The following ERICH6B variants were observed in gnomAD, a reference collection of about 807,000 sequenced individuals.
The protein encoded by ERICH6B is glutamate rich 6B.
ERICH6B carries 69 observed loss-of-function variants against 80.0 expected under a neutral mutation model. The observed-to-expected ratio is 0.86, with a 90% CI of 0.71 to 1.05. ERICH6B has a LOEUF of 1.05. Among genes scored for constraint, ERICH6B ranks in the 50% least tolerant of loss-of-function variants. The pLI, the probability that ERICH6B is intolerant of heterozygous loss-of-function variation, is 0.00. For missense variants in ERICH6B, 754 were observed against 796.1 expected (o/e 0.95, Z 0.64); for synonymous variants, 283 against 291.9 (o/e 0.97, Z 0.31).
intron 5 of ERICH6B, among the ~76,000 whole-genome samples, chr13:45,586,426 T>C (rs1875904557): frequency 6.6e-6 from 1 of 152,126 alleles, no homozygotes; most frequent in African/African-American, 2.4e-5. Context: ...CGGCAAGAAA[T>C]GCTATTCGGT....
chr13:45,575,381 T>C (rs969927064), intron 7 of ERICH6B, among the ~76,000 whole-genome samples: 1 of 152,070 alleles, frequency 6.6e-6, no homozygotes, highest in Admixed American at 6.5e-5. Context: ...ATGCTCACAG[T>C]AGAGCAGACA....
intron 4 of ERICH6B, among the ~76,000 whole-genome samples, chr13:45,589,613 G>A (rs1876074898): frequency 6.6e-6 from 1 of 152,200 alleles, no homozygotes. Context: ...TGGCTGCCCT[G>A]TAGCACACAG....
intron 9 of ERICH6B, 119 bp from the exon 10 acceptor site, chr13:45,563,907 C>A: frequency 9.9e-6 from 8 of 807,108 alleles, no homozygotes; most frequent in South Asian, 8.7e-5. Context: ...GAAATGGGGC[C>A]AATGGCTTTG....
intron 14 of ERICH6B, among the ~76,000 whole-genome samples, chr13:45,542,963 T>C (rs1393209929): frequency 6.6e-6 from 1 of 152,224 alleles, no homozygotes; most frequent in Non-Finnish European, 1.5e-5. Flanking sequence ...TCTTCTCAGA[T>C]ACTCTGCACA....
intron 1 of ERICH6B, among the ~76,000 whole-genome samples, 152 bp downstream of exon 1, chr13:45,615,533 T>C: frequency 6.6e-6 from 1 of 152,248 alleles, no homozygotes; most frequent in Non-Finnish European, 1.5e-5. Flanking sequence ...GAAGTCTATG[T>C]ACTTGGCGCT....
At chr13:45,585,037 C>G (rs952034739) in intron 5 of ERICH6B, among the ~76,000 whole-genome samples, 2 of 152,158 alleles carry the variant, frequency 1.3e-5, no homozygotes, top group African/African-American at 4.8e-5. Flanking sequence ...ATGTGGCCAG[C>G]CTGTGTTTTA....
At chr13:45,566,830 A>C (rs1346735582) in intron 9 of ERICH6B, among the ~76,000 whole-genome samples, 1 of 152,170 alleles carries the variant, frequency 6.6e-6, no homozygotes, top group Non-Finnish European at 1.5e-5. Context: ...CTATGAGAAG[A>C]GGGCCACCGT....
At chr13:45,548,333 A>G (rs1184049883) in intron 13 of ERICH6B, among the ~76,000 whole-genome samples, 1 of 152,236 alleles carries the variant, frequency 6.6e-6, no homozygotes, top group African/African-American at 2.4e-5. Flanking sequence ...TCGTGCCCTG[A>G]CCAAATGGCT....
intron 8 of ERICH6B, 26 bp downstream of exon 8, chr13:45,574,816 G>GGT: frequency 6.6e-7 from 1 of 1,510,626 alleles, no homozygotes; most frequent in African/African-American, 1.4e-5. Flanking sequence ...GCTGGGGGGG[G>GGT]GGTCTCAAGT....
chr13:45,551,421 A>T (rs541906251), intron 11 of ERICH6B: 1 of 152,086 alleles, frequency 6.6e-6, no homozygotes, highest in Non-Finnish European at 1.5e-5. Context: ...CTTCTTCAAG[A>T]TCTTCCTCCT....
intron 2 of ERICH6B, among the ~76,000 whole-genome samples, chr13:45,598,551 C>G (rs1361777523): frequency 6.6e-6 from 1 of 152,036 alleles, no homozygotes. Context: ...GATGAGACCA[C>G]CAGGATGAAT....
chr13:45,611,979 A>AT (rs1949902350), intron 1 of ERICH6B, among the ~76,000 whole-genome samples: 1 of 152,170 alleles, frequency 6.6e-6, no homozygotes, highest in Non-Finnish European at 1.5e-5. Context: ...AGCTGCAAAT[A>AT]TTTGAAGGTA....
Position 45,597,776 on chromosome 13 carries a change from C to T in ERICH6B, c.-58-713G>A, listed in dbSNP as rs142615834. Among the ~76,000 whole-genome samples the T allele has an allele frequency of 8.5e-5, 13 of 152,238 alleles. No individual in the cohort carries two copies. The East Asian group carries it at 2.1e-3, about 25-fold the overall frequency. Reference sequence around the variant, plus strand: ...ATTTTGCTATATTAAATTGTTTGCACGTTTGTTCTTCCAACAGTATAAGCT... The same window carrying T: ...ATTTTGCTATATTAAATTGTTTGCATGTTTGTTCTTCCAACAGTATAAGCT... On this transcript the variant is annotated intron_variant, in intron 2 of 14. Coordinates refer to ENST00000298738, the MANE Select transcript of ERICH6B (RefSeq NM_182542.3).
intron 11 of ERICH6B, chr13:45,555,558 G>C (rs115492019): frequency 1.3e-5 from 2 of 152,054 alleles, no homozygotes; most frequent in Admixed American, 6.6e-5. Flanking sequence ...CTCTCTTGCC[G>C]CTAGCTGGGG....
intron 11 of ERICH6B, among the ~76,000 whole-genome samples, chr13:45,555,858 G>T (rs991873434): frequency 1.1e-4 from 16 of 151,638 alleles, no homozygotes; most frequent in African/African-American, 3.9e-4. Context: ...TGTCCTTGAG[G>T]CAGTGGCTCT....
intron 13 of ERICH6B, among the ~76,000 whole-genome samples, chr13:45,548,345 TG>T (rs1874070349): frequency 6.6e-6 from 1 of 152,242 alleles, no homozygotes; most frequent in African/African-American, 2.4e-5. Context: ...CAAATGGCTT[TG>T]TATTCACAAG....
At chr13:45,591,915 C>T (rs993940984) in intron 3 of ERICH6B, among the ~76,000 whole-genome samples, 1 of 152,024 alleles carries the variant, frequency 6.6e-6, no homozygotes, top group Non-Finnish European at 1.5e-5. Context: ...AGAAGATATT[C>T]GTTTTTTGAT....
At chr13:45,577,625 T>G (rs963843301) in intron 7 of ERICH6B, among the ~76,000 whole-genome samples, 6 of 152,094 alleles carry the variant, frequency 3.9e-5, no homozygotes, top group Non-Finnish European at 8.8e-5. Context: ...ATTAAAACAT[T>G]TTTTTAGGGA....
At chr13:45,548,537 A>G (rs930112084) in intron 13 of ERICH6B, among the ~76,000 whole-genome samples, 5 of 152,104 alleles carry the variant, frequency 3.3e-5, no homozygotes, top group Admixed American at 2.6e-4. Context: ...AGAGAGGGAG[A>G]GAGGCTGGCC....
Sources: allele counts gnomAD v4.1 joint callset (sites outside exome capture counted in the v4.1 genomes callset), GRCh38; gene constraint gnomAD v4.1.1; transcripts MANE v1.5; gene names NCBI Gene and HGNC (gene_info 2026-07-23, HGNC 2026-07-21).